Variants in PES1 observed in about 807,000 individuals in gnomAD.
PES1 encodes the protein pescadillo homolog.
PES1 carries 31 observed loss-of-function variants against 77.1 expected under a neutral mutation model. The ratio of observed to expected loss-of-function variants is 0.40; its 90% CI spans 0.30 to 0.54. The LOEUF (loss-of-function observed/expected upper bound fraction) is 0.54. Ranked by LOEUF, PES1 falls within the 20% of genes least tolerant of loss-of-function variation. The pLI is 0.45. For synonymous variants in PES1, 282 were observed against 303.0 expected (o/e 0.93, Z 0.72); for missense variants, 658 against 771.7 (o/e 0.85, Z 1.75).
Position 30,579,525 on chromosome 22 carries a change from A to G in PES1, c.1355-222T>C. ...CTGAGCTCTGTCGCCTCCAATGTAA[A>G]CTCTGATGACAATGCAGCATGTTCT... is the stretch of plus-strand genomic sequence containing the variant. On this transcript the variant is annotated intron_variant, in intron 12 of 14. Coordinates refer to ENST00000354694, the MANE Select transcript of PES1 (RefSeq NM_014303.4). 5.4e-6 allele frequency: 4 copies of G among 737,372 alleles called. No individual in the cohort carries two copies. The South Asian group carries it at 7.5e-5, about 14-fold the overall frequency. 45.7% of individuals were successfully genotyped at this position (737,372 alleles called of 1,614,324 possible).
chr22:30,596,049 T>A (rs537077931), upstream of PES1, among the ~76,000 whole-genome samples: 2 of 152,314 alleles, frequency 1.3e-5, no homozygotes, highest in South Asian at 4.1e-4. Flanking sequence ...CTACATATTA[T>A]AGCCCGTTTT....
intron 1 of PES1, chr22:30,606,690 C>G (rs868745011): frequency 1.1e-4 from 14 of 130,602 alleles, no homozygotes; most frequent in African/African-American, 3.2e-4. Context: ...TCCCCCCCCC[C>G]ACCGAACTGC....
Position 30,591,839 on chromosome 22 carries a change from C to T in PES1, c.-6G>A. The T allele has an allele frequency of 6.4e-7, 1 of 1,556,828 alleles. No homozygotes were observed. The stretch of plus-strand genomic sequence containing the variant: ...TTCTTCTCAAGGCCTCCCATCGCTC[C>T]ACGTTGAGGAGCCGACTAGGGCCGC... On this transcript the variant is annotated 5_prime_UTR_variant, in exon 1 of 15. Coordinates refer to ENST00000354694, the MANE Select transcript of PES1 (RefSeq NM_014303.4).
At chr22:30,595,121 G>C (rs1296891047), upstream of PES1, among the ~76,000 whole-genome samples, 1 of 152,092 alleles carries the variant, frequency 6.6e-6, no homozygotes, top group Non-Finnish European at 1.5e-5. Context: ...GTTTCCTCCT[G>C]TTGCCCTGGA....
At position 30,584,368 on chromosome 22, in the gene PES1, A is replaced by G. The variant is rs1233472502; in HGVS notation, c.627T>C (p.His209=). The change falls in exon 6 of 15, where the codon CAT becomes CAC. Residue 209 remains histidine (H), a synonymous_variant. Transcript: ENST00000354694. ...CCCTCCCGACAGGCACACTCACGTC[A>G]TGGGAGAAGGCATAGGGAGTGATCC... ...IVWITPYAFS[H]DHPTDVDYRV... is the part of the protein sequence containing the mutation. The G allele has an allele frequency of 1.4e-5, 22 of 1,608,754 alleles. 2 individuals carry two copies. The South Asian group carries it at 2.0e-4, about 15-fold the overall frequency.
At position 30,589,271 on chromosome 22, in the gene PES1, C is replaced by T. The variant is rs1346313721; in HGVS notation, c.25-1G>A. 6.2e-7 allele frequency: 1 copy of T among 1,612,510 alleles called. No homozygotes were observed. Among genetic ancestry groups the T allele is most frequent in the Non-Finnish European group, 8.5e-7 (1 of 1,179,096 alleles). On this transcript the variant is annotated splice_acceptor_variant, in intron 1 of 14. Transcript: ENST00000354694. LOFTEE classifies it high-confidence loss of function. ...AGTTGGTGGCCGAGCCTCGTTCATA[C>T]TGGGAGAGGAAAAAAACAATTCTCC...
chr22:30,580,595 C>G lies in PES1; in HGVS notation c.1019G>C (p.Arg340Pro). ...CCTGATGATGAAGGCCAGGGCCTCA[C>G]GGGGCACCTCTCGGTTCAGGAAGAA... ...LKFFLNREVP[R>P]EALAFIIRSF... Residue 340 changes from arginine (R) to proline (P), a missense_variant, in exon 10 of 15, where the codon CGT becomes CCT. Arg to Pro is a moderately radical substitution (Grantham distance 103). Transcript: ENST00000354694. 6.2e-7 allele frequency: 1 copy of G among 1,613,798 alleles called. No individual in the cohort carries two copies. The highest frequency in any genetic ancestry group is 8.5e-7 in the Non-Finnish European group (1 of 1,180,000).
rs545026673 is a variant in PES1, at chr22:30,582,691, T to C, written c.631-1047A>G. Among the ~76,000 whole-genome samples, 41 of 152,300 alleles carry C rather than the reference T, an allele frequency of 2.7e-4. 1 individual carries two copies. The South Asian group carries it at 8.1e-3, about 30-fold the overall frequency. ...ACTCTTAGCTGTTCCGCTATTCTGC[T>C]GCCAGACAGTGACCTGTGCTGTGAG... On this transcript the variant is annotated intron_variant, in intron 6 of 14. Coordinates refer to ENST00000354694, the MANE Select transcript of PES1 (RefSeq NM_014303.4).
chr22:30,579,687 C>T, intron 12 of PES1, 64 bp downstream of exon 12: 1 of 1,491,090 alleles, frequency 6.7e-7, no homozygotes, highest in Non-Finnish European at 9.2e-7. Context: ...TCCACCTTGG[C>T]AGCTAAGGGA....
chr22:30,603,367 T>C (rs944966097), intron 2 of PES1, among the ~76,000 whole-genome samples: 17 of 152,020 alleles, frequency 1.1e-4, no homozygotes, highest in Admixed American at 9.8e-4. Context: ...TCTTTCTTTC[T>C]GTTTTTGTTT....
At chr22:30,588,236 C>G (rs577083094) in intron 2 of PES1, 62 bp from the exon 3 acceptor site, 154 of 1,601,508 alleles carry the variant, frequency 9.6e-5, no homozygotes, top group South Asian at 6.4e-4. Context: ...GCACTGGCCA[C>G]AGCTGGGCCT....
intron 2 of PES1, among the ~76,000 whole-genome samples, chr22:30,601,261 A>AT (rs2087350142): frequency 6.6e-6 from 1 of 152,228 alleles, no homozygotes; most frequent in South Asian, 2.1e-4. Context: ...TTGAAAACAC[A>AT]ATCTGACACA....
intron 6 of PES1, among the ~76,000 whole-genome samples, chr22:30,583,221 C>G (rs964433097): frequency 6.6e-6 from 1 of 152,162 alleles, no homozygotes; most frequent in Non-Finnish European, 1.5e-5. Flanking sequence ...CCACACGTGC[C>G]CCAGGGGGAG....
chr22:30,594,143 C>T (rs1053480546), upstream of PES1, among the ~76,000 whole-genome samples: 2 of 152,212 alleles, frequency 1.3e-5, no homozygotes, highest in Non-Finnish European at 2.9e-5. Context: ...CTCAGGGTAC[C>T]TCTCTTCCTC....
intron 2 of PES1, among the ~76,000 whole-genome samples, chr22:30,604,360 C>T (rs1047476579): frequency 5.9e-5 from 9 of 152,094 alleles, no homozygotes; most frequent in African/African-American, 1.7e-4. Context: ...TGGCCAGGCG[C>T]GCTGGCTCAT....
At chr22:30,604,462 G>A (rs9609016) in intron 2 of PES1, among the ~76,000 whole-genome samples, 4,027 of 151,974 alleles carry the variant, frequency 0.026, 64 homozygotes, top group East Asian at 0.049. Flanking sequence ...GTGAAACCCT[G>A]TCTCTACTAA....
intron 4 of PES1, 73 bp from the exon 5 acceptor site, chr22:30,584,790 C>G: frequency 6.7e-7 from 1 of 1,490,638 alleles, no homozygotes; most frequent in Non-Finnish European, 9.2e-7. Context: ...TCTCCTTATC[C>G]CACCCCAGAT....
intron 2 of PES1, among the ~76,000 whole-genome samples, chr22:30,600,895 G>C (rs1352282618): frequency 2.0e-5 from 3 of 152,174 alleles, no homozygotes; most frequent in African/African-American, 7.2e-5. Context: ...ATAAAAGCTG[G>C]AATAGTAGGG....
chr22:30,595,538 CAA>C (rs377364940), upstream of PES1, among the ~76,000 whole-genome samples: 257 of 80,662 alleles, frequency 3.2e-3, no homozygotes, highest in Admixed American at 5.3e-3. Flanking sequence ...GACAGTGTCT[CAA>C]AAAAAAAAAA....
Sources: allele counts gnomAD v4.1 joint callset (sites outside exome capture counted in the v4.1 genomes callset), GRCh38; gene constraint gnomAD v4.1.1; transcripts MANE v1.5; gene names NCBI Gene and HGNC (gene_info 2026-07-23, HGNC 2026-07-21).